SH3GL2: variants seen among roughly 807,000 people sequenced by gnomAD.
SH3GL2 encodes the protein endophilin-A1.
Under a neutral mutation model 46.0 loss-of-function variants are expected in SH3GL2, and 24 were observed. The observed-to-expected ratio is 0.52, with a 90% CI of 0.38 to 0.73. The LOEUF (loss-of-function observed/expected upper bound fraction) is 0.73. Among genes scored for constraint, SH3GL2 ranks in the 30% least tolerant of loss-of-function variants. The probability of loss-of-function intolerance (pLI) is 0.00; values close to 1 mark genes in which losing one functional copy is unlikely to be tolerated. For missense variants in SH3GL2, 413 were observed against 424.2 expected (o/e 0.97, Z 0.23); for synonymous variants, 196 against 147.1 (o/e 1.33, Z -2.40).
intron 1 of SH3GL2, among the ~76,000 whole-genome samples, chr9:17,712,912 A>C (rs1821667703): frequency 6.7e-6 from 1 of 148,206 alleles, no homozygotes; most frequent in Admixed American, 6.9e-5. Flanking sequence ...GTCCAATAGA[A>C]ATAGTAAGCG....
At chr9:17,687,290 G>A (rs10117326) in intron 1 of SH3GL2, among the ~76,000 whole-genome samples, 1,961 of 152,084 alleles carry the variant, frequency 0.013, 54 homozygotes, top group African/African-American at 0.044. Context: ...ATTGGTACAA[G>A]GTATTGAAAG....
At chr9:17,678,706 C>T (rs942701774) in intron 1 of SH3GL2, among the ~76,000 whole-genome samples, 14 of 152,292 alleles carry the variant, frequency 9.2e-5, no homozygotes, top group Non-Finnish European at 1.8e-4. Context: ...AGTCCTTGCC[C>T]ATGCCCATGT....
intron 1 of SH3GL2, among the ~76,000 whole-genome samples, chr9:17,646,990 C>G (rs7030199): frequency 6.6e-6 from 1 of 152,126 alleles, no homozygotes; most frequent in Admixed American, 6.5e-5. Context: ...CCCCTTCCCC[C>G]AGTTGTTCTG....
intron 3 of SH3GL2, among the ~76,000 whole-genome samples, chr9:17,771,589 T>C (rs1411217148): frequency 6.6e-6 from 1 of 152,238 alleles, no homozygotes; most frequent in East Asian, 1.9e-4. Context: ...TGTGTATTTT[T>C]CAGATTTCAC....
intron 1 of SH3GL2, among the ~76,000 whole-genome samples, chr9:17,618,349 A>C (rs192852076): frequency 2.4e-4 from 37 of 152,316 alleles, no homozygotes; most frequent in African/African-American, 8.4e-4. Context: ...GGATTCTACC[A>C]GGGTTGGAGA....
intron 3 of SH3GL2, among the ~76,000 whole-genome samples, chr9:17,780,749 C>A (rs1309800790): frequency 3.8e-5 from 2 of 53,232 alleles, no homozygotes; most frequent in African/African-American, 7.7e-5. Context: ...TTTGTTCTTG[C>A]GATAGTTTAC....
chr9:17,719,682 A>G (rs781767646), intron 1 of SH3GL2, among the ~76,000 whole-genome samples: 1 of 151,736 alleles, frequency 6.6e-6, no homozygotes, highest in African/African-American at 2.4e-5. Context: ...GGTCCTGGCT[A>G]TTTGGGAGGC....
chr9:17,785,701 A>G (rs961185269), intron 3 of SH3GL2, among the ~76,000 whole-genome samples: 1 of 152,058 alleles, frequency 6.6e-6, no homozygotes, highest in Non-Finnish European at 1.5e-5. Flanking sequence ...AACTTCTTTT[A>G]TAAAAACAAA....
At chr9:17,728,958 T>C (rs879109241) in intron 1 of SH3GL2, among the ~76,000 whole-genome samples, 4 of 152,186 alleles carry the variant, frequency 2.6e-5, no homozygotes, top group Non-Finnish European at 5.9e-5. Flanking sequence ...GTCTTTATGG[T>C]AGAATGATTT....
In SH3GL2 at chr9:17,784,686, G is replaced by T. The variant is rs1823904526; in HGVS notation, c.188-1695G>T. Among the ~76,000 whole-genome samples, 3 of 152,192 alleles carry T rather than the reference G, an allele frequency of 2.0e-5. No individual in the cohort carries two copies. The South Asian group carries it at 6.2e-4, about 32-fold the overall frequency. On this transcript the variant is annotated intron_variant, in intron 3 of 8. Transcript: ENST00000380607. The stretch of plus-strand genomic sequence containing the variant: ...GATATGACTCACTGCAGAAAATAAT[G>T]ATATTGTTCCCTTAAAAATGATTCT...
At chr9:17,790,149 C>T (rs1342269169) in intron 6 of SH3GL2, among the ~76,000 whole-genome samples, 1 of 152,118 alleles carries the variant, frequency 6.6e-6, no homozygotes, top group Non-Finnish European at 1.5e-5. Context: ...TGTCCCTTCG[C>T]TAGAAGAGAG....
intron 1 of SH3GL2, among the ~76,000 whole-genome samples, chr9:17,646,733 C>T (rs1819827687): frequency 6.6e-6 from 1 of 152,158 alleles, no homozygotes; most frequent in Non-Finnish European, 1.5e-5. Context: ...GATGCCTGCT[C>T]CTACCTGTGG....
At chr9:17,683,673 G>GCTA (rs2118065568) in intron 1 of SH3GL2, among the ~76,000 whole-genome samples, 1 of 152,164 alleles carries the variant, frequency 6.6e-6, no homozygotes, top group African/African-American at 2.4e-5. Flanking sequence ...ACACCAGGAT[G>GCTA]CTAAGCTCAG....
At position 17,796,966 on chromosome 9, in the gene SH3GL2, C is replaced by G. The variant is rs1824287864; in HGVS notation, c.*1223C>G. The G allele has an allele frequency of 6.6e-6, 1 of 152,638 alleles. No individual in the cohort carries two copies. The highest frequency in any genetic ancestry group is 1.5e-5 in the Non-Finnish European group (1 of 68,040). 9.5% of individuals were successfully genotyped at this position (152,638 alleles called of 1,614,324 possible). On this transcript the variant is annotated 3_prime_UTR_variant, in exon 9 of 9. Coordinates refer to ENST00000380607, the MANE Select transcript of SH3GL2 (RefSeq NM_003026.5). ...GTTAGGTATGCAGAGTTCTATTTAT[C>G]TAGCTGTACAGACTCTTTCAGAGGT...
In SH3GL2 at chr9:17,676,927, C is replaced by T. The variant is rs369142918; in HGVS notation, c.46-70139C>T. Reference sequence around the variant, plus strand: ...TTCTACCCTCTTATTGGGGTGTCTGCTCTATGTGCCAAATATGCCATAAAT... The same window carrying T: ...TTCTACCCTCTTATTGGGGTGTCTGTTCTATGTGCCAAATATGCCATAAAT... On this transcript the variant is annotated intron_variant, in intron 1 of 8. Coordinates refer to ENST00000380607, the MANE Select transcript of SH3GL2 (RefSeq NM_003026.5). Among the ~76,000 whole-genome samples the T allele has an allele frequency of 1.3e-3, 203 of 152,194 alleles. 1 individual carries two copies. Among genetic ancestry groups the T allele is most frequent in the African/African-American group, 4.7e-3 (197 of 41,526 alleles).
intron 1 of SH3GL2, among the ~76,000 whole-genome samples, chr9:17,613,962 G>A (rs1818925961): frequency 6.6e-6 from 1 of 152,130 alleles, no homozygotes; most frequent in Non-Finnish European, 1.5e-5. Context: ...TGGAGATCTT[G>A]TGTGGTCACT....
intron 1 of SH3GL2, among the ~76,000 whole-genome samples, chr9:17,675,254 C>T (rs997014259): frequency 1.3e-5 from 2 of 152,074 alleles, no homozygotes; most frequent in African/African-American, 2.4e-5. Context: ...ATAGCACATA[C>T]CAGATTTTTA....
At chr9:17,785,529 T>C (rs902672480) in intron 3 of SH3GL2, among the ~76,000 whole-genome samples, 7 of 152,312 alleles carry the variant, frequency 4.6e-5, no homozygotes, top group South Asian at 2.1e-4. Context: ...GGGGTTTCCA[T>C]TGAAGATGGG....
chr9:17,622,591 CA>C (rs547393582), intron 1 of SH3GL2, among the ~76,000 whole-genome samples: 21 of 149,864 alleles, frequency 1.4e-4, no homozygotes, highest in South Asian at 1.3e-3. Flanking sequence ...CTACAAAGAC[CA>C]AAAAAAAAGT....
Sources: allele counts gnomAD v4.1 joint callset (sites outside exome capture counted in the v4.1 genomes callset), GRCh38; gene constraint gnomAD v4.1.1; transcripts MANE v1.5; gene names NCBI Gene and HGNC (gene_info 2026-07-23, HGNC 2026-07-21).